RFX3: variants seen among roughly 807,000 people sequenced by gnomAD.
RFX3 encodes the protein transcription factor RFX3.
A neutral mutation model predicts 98.6 loss-of-function variants in RFX3; 14 were observed. That is an observed-to-expected ratio of 0.14 (90% CI 0.09 to 0.22). The LOEUF (loss-of-function observed/expected upper bound fraction) is 0.22, where lower values mean the gene tolerates loss of function less well. Ranked by LOEUF, RFX3 falls within the 10% of genes least tolerant of loss-of-function variation. RFX3 has a pLI of 1.00. For missense variants in RFX3, 639 were observed against 926.9 expected, an observed-to-expected ratio of 0.69 and a Z score of 4.03; for synonymous variants, 383 against 328.4, an observed-to-expected ratio of 1.17 and a Z score of -1.80.
At chr9:3,465,980 A>G (rs1848175667) in intron 1 of RFX3, among the ~76,000 whole-genome samples, 1 of 152,206 alleles carries the variant, frequency 6.6e-6, no homozygotes, top group Non-Finnish European at 1.5e-5. Flanking sequence ...GTCAGAGTAG[A>G]GACAACATAT....
At chr9:3,270,857 T>C in intron 10 of RFX3, 146 bp downstream of exon 10, 1 of 1,121,846 alleles carries the variant, frequency 8.9e-7, no homozygotes, top group South Asian at 1.5e-5. Flanking sequence ...GAGCAGTTCA[T>C]GGTTTATTTC....
intron 13 of RFX3, 64 bp from the exon 14 acceptor site, chr9:3,257,263 C>G: frequency 2.2e-6 from 3 of 1,345,888 alleles, no homozygotes; most frequent in Non-Finnish European, 3.2e-6. Context: ...TGAATGCCAG[C>G]ACACACACTA....
chr9:3,365,511 C>G (rs1836957029), intron 2 of RFX3, among the ~76,000 whole-genome samples: 1 of 152,054 alleles, frequency 6.6e-6, no homozygotes, highest in African/African-American at 2.4e-5. Context: ...TTCATTGTAT[C>G]AACTTACTAT....
At chr9:3,274,880 G>C (rs1236760460) in intron 9 of RFX3, among the ~76,000 whole-genome samples, 1 of 151,002 alleles carries the variant, frequency 6.6e-6, no homozygotes, top group Non-Finnish European at 1.5e-5. Context: ...CCATACATAT[G>C]GATATATATA....
At chr9:3,380,875 C>G (rs550350067) in intron 2 of RFX3, among the ~76,000 whole-genome samples, 115 of 152,180 alleles carry the variant, frequency 7.6e-4, no homozygotes, top group Non-Finnish European at 1.1e-3. Context: ...CATTTTTATA[C>G]TGAGCTTTAA....
At chr9:3,523,650 G>A (rs1818943713) in intron 1 of RFX3, among the ~76,000 whole-genome samples, 1 of 152,052 alleles carries the variant, frequency 6.6e-6, no homozygotes, top group South Asian at 2.1e-4. Context: ...TTATGTAAAT[G>A]GCATAAGGTC....
At chr9:3,353,095 G>C (rs1835346327) in intron 2 of RFX3, among the ~76,000 whole-genome samples, 2 of 151,232 alleles carry the variant, frequency 1.3e-5, no homozygotes, top group South Asian at 4.2e-4. Flanking sequence ...ACTATCGCAA[G>C]GACAAAAAAC....
chr9:3,230,001 C>T (rs1356050973), intron 15 of RFX3, among the ~76,000 whole-genome samples: 1 of 152,132 alleles, frequency 6.6e-6, no homozygotes, highest in Non-Finnish European at 1.5e-5. Context: ...CCCTCTTTGA[C>T]AATTTCAAGA....
chr9:3,300,454 T>C (rs201568071), intron 5 of RFX3, among the ~76,000 whole-genome samples: 3 of 151,736 alleles, frequency 2.0e-5, no homozygotes, highest in African/African-American at 4.8e-5. Context: ...ATTAGTGCTA[T>C]TTTAAGATAT....
At chr9:3,379,032 G>A (rs1009421168) in intron 2 of RFX3, among the ~76,000 whole-genome samples, 5 of 152,096 alleles carry the variant, frequency 3.3e-5, no homozygotes, top group Non-Finnish European at 5.9e-5. Context: ...AATTTAGAAG[G>A]CAACTCAGTC....
At chr9:3,421,827 T>C (rs2132356067) in intron 1 of RFX3, among the ~76,000 whole-genome samples, 1 of 152,282 alleles carries the variant, frequency 6.6e-6, no homozygotes, top group Non-Finnish European at 1.5e-5. Context: ...GGTCTTCTAT[T>C]CCTAATGCAA....
At chr9:3,460,458 A>T (rs1336584381) in intron 1 of RFX3, among the ~76,000 whole-genome samples, 1 of 152,006 alleles carries the variant, frequency 6.6e-6, no homozygotes, top group Non-Finnish European at 1.5e-5. Context: ...CTTGTTCCAT[A>T]AAACAATCAT....
In RFX3 at chr9:3,368,241, A is replaced by T. The variant is rs577193648; in HGVS notation, c.118-21477T>A. On this transcript the variant is annotated intron_variant, in intron 2 of 16. Coordinates refer to ENST00000617270, the MANE Select transcript of RFX3 (RefSeq NM_001282116.2). ...GATATATAGCTGATTTATATAATTT[A>T]AAAAAAGATATATTGAAAGAAAATT... 1.5e-4 allele frequency among the ~76,000 whole-genome samples: 22 copies of T among 149,194 alleles called. 1 individual carries two copies. Among genetic ancestry groups the T allele is most frequent in the African/African-American group, 4.7e-4 (18 of 38,660 alleles).
Position 3,330,898 on chromosome 9 carries a change from G to C in RFX3, c.216-381C>G, listed in dbSNP as rs569204483. ...AACCTGGAATAAGTAGGAGTAGTGT[G>C]AGTAGTTGACTTAGCTCCTACTTAG... On this transcript the variant is annotated intron_variant, in intron 3 of 16. Coordinates refer to ENST00000617270, the MANE Select transcript of RFX3 (RefSeq NM_001282116.2). Among the ~76,000 whole-genome samples, 88 of 152,294 alleles carry C rather than the reference G, an allele frequency of 5.8e-4. 1 individual carries two copies. The highest frequency in any genetic ancestry group is 2.1e-3 in the African/African-American group (86 of 41,568).
At chr9:3,391,927 C>T (rs1840353745) in intron 2 of RFX3, among the ~76,000 whole-genome samples, 1 of 151,982 alleles carries the variant, frequency 6.6e-6, no homozygotes, top group South Asian at 2.1e-4. Flanking sequence ...GGTAATACCA[C>T]ATGAAAAAAG....
intron 2 of RFX3, 76 bp downstream of exon 2, chr9:3,395,396 T>G: frequency 6.5e-7 from 1 of 1,527,134 alleles, no homozygotes. Context: ...GTTCAAATAA[T>G]TTTTGGATAC....
intron 4 of RFX3, among the ~76,000 whole-genome samples, chr9:3,305,882 G>C (rs1165306687): frequency 6.6e-6 from 1 of 151,986 alleles, no homozygotes; most frequent in Non-Finnish European, 1.5e-5. Flanking sequence ...AACCTTCTGA[G>C]AGTTTACCAA....
chr9:3,390,041 G>A (rs540590097), intron 2 of RFX3, among the ~76,000 whole-genome samples: 57 of 152,088 alleles, frequency 3.7e-4, no homozygotes, highest in Non-Finnish European at 7.1e-4. Context: ...CTTACTACAC[G>A]GTGAAATTAG....
intron 1 of RFX3, among the ~76,000 whole-genome samples, chr9:3,511,444 C>A (rs546933019): frequency 1.2e-4 from 18 of 151,814 alleles, no homozygotes; most frequent in Non-Finnish European, 2.2e-4. Context: ...AGAGAAGGAA[C>A]CTCCTCATTC....
Sources: allele counts gnomAD v4.1 joint callset (sites outside exome capture counted in the v4.1 genomes callset), GRCh38; gene constraint gnomAD v4.1.1; transcripts MANE v1.5; gene names NCBI Gene and HGNC (gene_info 2026-07-23, HGNC 2026-07-21).